The following KLHL1 variants were observed in gnomAD, a reference collection of about 807,000 sequenced individuals.
The protein encoded by KLHL1 is kelch like family member 1.
KLHL1 carries 47 observed loss-of-function variants against 77.7 expected under a neutral mutation model. That is an observed-to-expected ratio of 0.60 (90% CI 0.48 to 0.77). The LOEUF (loss-of-function observed/expected upper bound fraction) is 0.77, where lower values mean the gene tolerates loss of function less well. KLHL1 is among the 30% of genes least tolerant of loss of function. The pLI is 0.00. For missense variants in KLHL1, 925 were observed against 910.8 expected (o/e 1.02, Z -0.20); for synonymous variants, 360 against 325.2 (o/e 1.11, Z -1.15).
intron 6 of KLHL1, among the ~76,000 whole-genome samples, chr13:69,822,197 C>CAAAAAAAA (rs35346749): frequency 2.6e-4 from 20 of 78,364 alleles, no homozygotes; most frequent in African/African-American, 7.8e-4. Flanking sequence ...GACTCCATCT[C>CAAAAAAAA]AAAAAAAAAA....
Position 69,833,766 on chromosome 13 carries a change from TAC to T in KLHL1, c.1414+5208_1414+5209del, listed in dbSNP as rs1434159317. 1.8e-3 allele frequency among the ~76,000 whole-genome samples: 234 copies of T among 129,474 alleles called. 1 individual carries two copies. Among genetic ancestry groups the T allele is most frequent in the African/African-American group, 5.2e-3 (191 of 36,504 alleles). 84.9% of individuals were successfully genotyped at this position (129,474 alleles called of 152,430 possible). A position where few individuals can be genotyped will look rare whatever the true frequency, so the allele number is the denominator to read the frequency against. ...ATAATGGTATATATATATATATATA[TAC>T]ATACATACATACATATATACTTGTT... On this transcript the variant is annotated intron_variant, in intron 6 of 10. Transcript: ENST00000377844.
At chr13:70,001,433 A>C (rs1392925002) in intron 1 of KLHL1, among the ~76,000 whole-genome samples, 5 of 151,262 alleles carry the variant, frequency 3.3e-5, no homozygotes, top group African/African-American at 1.2e-4. Context: ...AACAAAAGAC[A>C]AAATGAGAGA....
intron 2 of KLHL1, among the ~76,000 whole-genome samples, chr13:69,964,196 A>G (rs185571360): frequency 6.6e-6 from 1 of 152,232 alleles, no homozygotes; most frequent in Admixed American, 6.5e-5. Context: ...AGTATATGCT[A>G]CCATGCCTAG....
intron 8 of KLHL1, among the ~76,000 whole-genome samples, chr13:69,721,080 A>ATACAAATTCCTTGTAAGGGAGGTACAT (rs1873035874): frequency 9.2e-5 from 2 of 21,734 alleles, no homozygotes; most frequent in Non-Finnish European, 2.7e-4. Context: ...TATATATATA[A>ATACAAATTCCTTGTAAGGGAGGTACAT]AGCTATGTAC....
intron 4 of KLHL1, among the ~76,000 whole-genome samples, chr13:69,935,570 G>A (rs1329147472): frequency 6.6e-6 from 1 of 152,116 alleles, no homozygotes; most frequent in Non-Finnish European, 1.5e-5. Context: ...CTCTGTAGAA[G>A]TAACATTTGA....
chr13:69,856,550 C>T (rs1352720877), intron 5 of KLHL1, among the ~76,000 whole-genome samples: 1 of 152,068 alleles, frequency 6.6e-6, no homozygotes, highest in Non-Finnish European at 1.5e-5. Flanking sequence ...CCCTCGGTCT[C>T]AGCCCTTCTC....
At chr13:69,806,434 TAAG>T (rs1451826521) in intron 6 of KLHL1, among the ~76,000 whole-genome samples, 1 of 151,992 alleles carries the variant, frequency 6.6e-6, no homozygotes, top group Non-Finnish European at 1.5e-5. Context: ...ACCAGAGTAA[TAAG>T]TACATACTCA....
chr13:69,914,286 C>A (rs530039691), intron 4 of KLHL1, among the ~76,000 whole-genome samples: 1 of 152,262 alleles, frequency 6.6e-6, no homozygotes, highest in South Asian at 2.1e-4. Flanking sequence ...TTATACATTT[C>A]TACTGGAGTT....
At chr13:69,988,767 C>A (rs73514736) in intron 1 of KLHL1, among the ~76,000 whole-genome samples, 23,693 of 151,924 alleles carry the variant, frequency 0.16, 3,922 homozygotes, top group African/African-American at 0.42. Flanking sequence ...CTTCCTTTGA[C>A]AAGTGTCTTC....
chr13:69,796,940 A>G lies in KLHL1; in HGVS notation c.1437T>C (p.Tyr479=). ...NNKGATTIEK[Y]DLRTNLWIQA... ...GGATCCACAGATTTGTTCTCAGATCATATTTCTCTATAGTTGTAGCTCCTG... is the reference window on the plus strand; with the variant it reads ...GGATCCACAGATTTGTTCTCAGATCGTATTTCTCTATAGTTGTAGCTCCTG... The change falls in exon 7 of 11, where the codon TAT becomes TAC. Residue 479 remains tyrosine, a synonymous_variant. Coordinates refer to ENST00000377844, the MANE Select transcript of KLHL1 (RefSeq NM_020866.3). 6.2e-7 allele frequency: 1 copy of G among 1,614,092 alleles called. No homozygotes were observed. Among genetic ancestry groups the G allele is most frequent in the Non-Finnish European group, 8.5e-7 (1 of 1,179,954 alleles).
chr13:69,982,479 T>TAAAAAA (rs1029722644), intron 1 of KLHL1, among the ~76,000 whole-genome samples: 8 of 142,040 alleles, frequency 5.6e-5, no homozygotes, highest in African/African-American at 1.6e-4. Context: ...ATAATAATAA[T>TAAAAAA]AAAATAAAAA....
At chr13:70,085,118 T>C (rs9572357) in intron 1 of KLHL1, among the ~76,000 whole-genome samples, 39,816 of 151,944 alleles carry the variant, frequency 0.26, 5,443 homozygotes, top group Admixed American at 0.31. Flanking sequence ...TGTATGGATA[T>C]ATGTATGTGC....
intron 4 of KLHL1, among the ~76,000 whole-genome samples, chr13:69,896,882 A>T (rs1380143420): frequency 6.6e-6 from 1 of 151,952 alleles, no homozygotes; most frequent in Non-Finnish European, 1.5e-5. Context: ...CATATTGGCC[A>T]GGCTGGTCTC....
At chr13:69,762,220 G>A (rs1401057397) in intron 7 of KLHL1, among the ~76,000 whole-genome samples, 1 of 152,086 alleles carries the variant, frequency 6.6e-6, no homozygotes, top group Non-Finnish European at 1.5e-5. Flanking sequence ...CAGACACAAT[G>A]GCATTAGGCA....
At chr13:70,056,908 T>C (rs1886756837) in intron 1 of KLHL1, among the ~76,000 whole-genome samples, 1 of 151,944 alleles carries the variant, frequency 6.6e-6, no homozygotes, top group Non-Finnish European at 1.5e-5. Context: ...TTTAAAGAAC[T>C]AGAAAATGAG....
intron 1 of KLHL1, among the ~76,000 whole-genome samples, chr13:70,020,551 T>C (rs1000490688): frequency 2.0e-5 from 3 of 152,102 alleles, no homozygotes; most frequent in Non-Finnish European, 4.4e-5. Context: ...CATACTTAGC[T>C]GTGCTCTTAT....
intron 1 of KLHL1, among the ~76,000 whole-genome samples, chr13:70,007,937 C>A (rs893249156): frequency 6.6e-6 from 1 of 151,694 alleles, no homozygotes; most frequent in Non-Finnish European, 1.5e-5. Context: ...TCAAAAGCAG[C>A]CCCAAAAATG....
intron 6 of KLHL1, among the ~76,000 whole-genome samples, chr13:69,810,081 A>G (rs1475944112): frequency 1.3e-5 from 2 of 152,108 alleles, no homozygotes; most frequent in African/African-American, 4.8e-5. Context: ...GACAGCCACA[A>G]AGTAATAGTG....
intron 5 of KLHL1, among the ~76,000 whole-genome samples, chr13:69,862,294 A>AAGAG (rs373063186): frequency 6.7e-6 from 1 of 149,726 alleles, no homozygotes; most frequent in Admixed American, 6.7e-5. Context: ...CACACAGGAG[A>AAGAG]AGAGAGAGAG....
Sources: allele counts gnomAD v4.1 joint callset (sites outside exome capture counted in the v4.1 genomes callset), GRCh38; gene constraint gnomAD v4.1.1; transcripts MANE v1.5; gene names NCBI Gene and HGNC (gene_info 2026-07-23, HGNC 2026-07-21).